The following EPM2A variants were observed in gnomAD, a reference collection of about 807,000 sequenced individuals.
EPM2A encodes the protein EPM2A glucan phosphatase, laforin, also known as laforin.
EPM2A carries 21 observed loss-of-function variants against 26.5 expected under a neutral mutation model. The ratio of observed to expected loss-of-function variants is 0.79; its 90% CI spans 0.56 to 1.14. The LOEUF is 1.14. EPM2A is among the 50% of genes most tolerant of loss of function. The pLI is 0.00. For synonymous variants in EPM2A, 217 were observed against 177.6 expected (o/e 1.22, Z -1.76); for missense variants, 458 against 440.8 (o/e 1.04, Z -0.35).
intron 2 of EPM2A, chr6:145,684,861 C>T (rs1244145872): frequency 6.6e-6 from 1 of 152,160 alleles, no homozygotes; most frequent in Non-Finnish European, 1.5e-5. Flanking sequence ...CTTCCTCATT[C>T]TGTGCATACA....
intron 1 of EPM2A, among the ~76,000 whole-genome samples, chr6:145,709,015 A>G (rs1353119103): frequency 1.3e-5 from 2 of 152,226 alleles, no homozygotes; most frequent in African/African-American, 4.8e-5. Context: ...TGGGGCCTGT[A>G]GCCCCTTAAT....
chr6:145,655,291 C>T (rs922715012), intron 2 of EPM2A, among the ~76,000 whole-genome samples: 2 of 151,762 alleles, frequency 1.3e-5, no homozygotes, highest in Non-Finnish European at 2.9e-5. Flanking sequence ...ATGTTGGATT[C>T]TGTCCAAATG....
At chr6:145,420,440 T>G (rs1778767092) in intron 4 of EPM2A, among the ~76,000 whole-genome samples, 1 of 152,186 alleles carries the variant, frequency 6.6e-6, no homozygotes, top group African/African-American at 2.4e-5. Flanking sequence ...TGGATGTAAC[T>G]TCATCCTCTT....
At chr6:145,528,231 CAGA>C (rs1780305940) in intron 2 of EPM2A, among the ~76,000 whole-genome samples, 1 of 152,202 alleles carries the variant, frequency 6.6e-6, no homozygotes, top group South Asian at 2.1e-4. Context: ...GCAAGTTATC[CAGA>C]AGAACTAATT....
chr6:145,489,916 C>T (rs1004827836), intron 4 of EPM2A: 9 of 1,349,202 alleles, frequency 6.7e-6, no homozygotes, highest in East Asian at 4.6e-5. Flanking sequence ...AGTCTGAATT[C>T]GACCCACTTC....
At chr6:145,576,127 C>T (rs992124104) in intron 2 of EPM2A, among the ~76,000 whole-genome samples, 28 of 152,282 alleles carry the variant, frequency 1.8e-4, no homozygotes, top group African/African-American at 6.3e-4. Flanking sequence ...TGAGCCACTG[C>T]GACCAGCCTC....
At chr6:145,574,246 A>G (rs1424614867) in intron 2 of EPM2A, among the ~76,000 whole-genome samples, 1 of 152,002 alleles carries the variant, frequency 6.6e-6, no homozygotes, top group South Asian at 2.1e-4. Context: ...ATTAAGTAGG[A>G]ATGCAGTAGG....
At chr6:145,498,422 T>C (rs147140945), downstream of EPM2A, among the ~76,000 whole-genome samples, 113 of 152,320 alleles carry the variant, frequency 7.4e-4, no homozygotes, top group African/African-American at 2.6e-3. Context: ...AGCCAGAGTA[T>C]GTAAAGCTCC....
intron 4 of EPM2A, among the ~76,000 whole-genome samples, chr6:145,395,635 C>T (rs944306103): frequency 2.6e-5 from 4 of 152,256 alleles, no homozygotes; most frequent in Middle Eastern, 6.8e-3. Flanking sequence ...AGACACTTTT[C>T]TCCTCCTCTC....
At chr6:145,593,863 G>A (rs887009333) in intron 2 of EPM2A, among the ~76,000 whole-genome samples, 1 of 151,596 alleles carries the variant, frequency 6.6e-6, no homozygotes, top group South Asian at 2.1e-4. Context: ...GGAAAGCAGA[G>A]AAAGAAGAAT....
At chr6:145,613,654 G>T (rs1282879119) in intron 2 of EPM2A, among the ~76,000 whole-genome samples, 4 of 152,112 alleles carry the variant, frequency 2.6e-5, no homozygotes, top group Non-Finnish European at 4.4e-5. Context: ...AATCTCCCTA[G>T]ACATATTTAT....
chr6:145,392,504 C>T (rs936670717), intron 4 of EPM2A, among the ~76,000 whole-genome samples: 2 of 152,046 alleles, frequency 1.3e-5, no homozygotes, highest in African/African-American at 2.4e-5. Context: ...TCCTTTCTTC[C>T]CTTCCCCTTC....
intron 4 of EPM2A, among the ~76,000 whole-genome samples, chr6:145,444,745 T>G (rs1398609553): frequency 1.3e-5 from 2 of 152,218 alleles, no homozygotes; most frequent in African/African-American, 4.8e-5. Flanking sequence ...CTTATTTCTT[T>G]GCATGTCTCA....
At chr6:145,464,908 T>C (rs1779368737) in intron 4 of EPM2A, among the ~76,000 whole-genome samples, 1 of 152,118 alleles carries the variant, frequency 6.6e-6, no homozygotes, top group Non-Finnish European at 1.5e-5. Context: ...GCCCTTAACA[T>C]TTTTTCCTTC....
Position 145,625,776 on chromosome 6 carries a change from C to A in EPM2A, c.*1640G>T. On this transcript the variant is annotated 3_prime_UTR_variant, in exon 4 of 4. Transcript: ENST00000367519. ...CCTAAGTGCCACAGTTCTATCTCCC[C>A]GTCCTCTGAGCTCCACTGAAACTTA... The A allele has an allele frequency of 2.3e-6, 3 of 1,328,794 alleles. No homozygotes were observed. Among genetic ancestry groups the A allele is most frequent in the East Asian group, 4.6e-5 (2 of 43,028 alleles). The allele number at this position is 1,328,794 out of a possible 1,614,324, so 82.3% of individuals were successfully genotyped here.
At chr6:145,653,173 A>G (rs1011990150) in intron 2 of EPM2A, among the ~76,000 whole-genome samples, 8 of 152,156 alleles carry the variant, frequency 5.3e-5, no homozygotes, top group African/African-American at 1.9e-4. Context: ...TATAATCCCC[A>G]CCTGTTGAAG....
intron 2 of EPM2A, among the ~76,000 whole-genome samples, chr6:145,601,197 A>G (rs1302461117): frequency 1.3e-5 from 2 of 152,210 alleles, no homozygotes; most frequent in Admixed American, 6.5e-5. Context: ...TCTTTTGATT[A>G]AACCCTGAAT....
intron 2 of EPM2A, chr6:145,640,602 G>A (rs568535330): frequency 6.6e-6 from 1 of 152,274 alleles, no homozygotes. Context: ...CATTTCCTAA[G>A]TTGGATAATT....
At chr6:145,482,811 G>A (rs1305960380) in intron 4 of EPM2A, among the ~76,000 whole-genome samples, 2 of 151,552 alleles carry the variant, frequency 1.3e-5, no homozygotes, top group East Asian at 3.9e-4. Flanking sequence ...TTGTCACTCA[G>A]CCATACTCTT....
Sources: allele counts gnomAD v4.1 joint callset (sites outside exome capture counted in the v4.1 genomes callset), GRCh38; gene constraint gnomAD v4.1.1; transcripts MANE v1.5; gene names NCBI Gene and HGNC (gene_info 2026-07-23, HGNC 2026-07-21).